The following DCAKD variants were observed in gnomAD, a reference collection of about 807,000 sequenced individuals.
DCAKD encodes dephospho-CoA kinase domain containing.
In DCAKD, 15 loss-of-function variants were observed where a neutral mutation model predicts 18.7. That is an observed-to-expected ratio of 0.80 (90% confidence interval 0.54 to 1.24). The LOEUF (loss-of-function observed/expected upper bound fraction) is 1.24. Ranked by LOEUF, DCAKD falls within the 50% of genes most tolerant of loss-of-function variation. DCAKD has a pLI of 0.00. For missense variants in DCAKD, 301 were observed against 322.0 expected (o/e 0.93, Z 0.50); for synonymous variants, 130 against 133.0 (o/e 0.98, Z 0.16).
intron 3 of DCAKD, 65 bp from the exon 4 acceptor site, chr17:45,030,244 G>T: frequency 6.8e-7 from 1 of 1,471,752 alleles, no homozygotes; most frequent in Non-Finnish European, 9.5e-7. Flanking sequence ...CTGATGATAT[G>T]CTGGGCCCCA....
At chr17:45,032,176 C>T in intron 3 of DCAKD, 1 of 963,786 alleles carries the variant, frequency 1.0e-6, no homozygotes, top group African/African-American at 1.8e-5. Flanking sequence ...TGACTTCACT[C>T]TGGGTGGGGG....
chr17:45,042,081 A>C (rs1347241551), intron 1 of DCAKD, among the ~76,000 whole-genome samples: 2 of 151,674 alleles, frequency 1.3e-5, no homozygotes, highest in Admixed American at 6.6e-5. Context: ...GTACCACTGC[A>C]CTCCAGCCTG....
At chr17:45,061,112 C>T (rs1225199063), upstream of DCAKD, 4 of 1,343,256 alleles carry the variant, frequency 3.0e-6, no homozygotes, top group Middle Eastern at 2.7e-4. Context: ...GGCCGAATGC[C>T]TAGGCTTCCG....
intron 4 of DCAKD, among the ~76,000 whole-genome samples, chr17:45,028,800 G>A (rs1209433959): frequency 6.6e-6 from 1 of 151,788 alleles, no homozygotes; most frequent in Non-Finnish European, 1.5e-5. Flanking sequence ...CACCTCCTGG[G>A]TTCAAGCGAT....
intron 1 of DCAKD, among the ~76,000 whole-genome samples, chr17:45,038,127 C>A (rs888717680): frequency 6.6e-6 from 1 of 151,276 alleles, no homozygotes; most frequent in East Asian, 2.0e-4. Context: ...CCCAGGGTGG[C>A]GTGCAGCGGT....
intron 4 of DCAKD, among the ~76,000 whole-genome samples, chr17:45,028,191 C>T (rs925086656): frequency 1.3e-5 from 2 of 150,314 alleles, no homozygotes; most frequent in African/African-American, 4.9e-5. Context: ...TCACTCCAAG[C>T]TCCGCCTCCC....
chr17:45,055,315 T>A (rs1383767553), upstream of DCAKD, among the ~76,000 whole-genome samples: 1 of 152,186 alleles, frequency 6.6e-6, no homozygotes. Context: ...CCTGAGTCCA[T>A]TAGAGATGAC....
chr17:45,027,877 T>A (rs1193909454), intron 4 of DCAKD, among the ~76,000 whole-genome samples: 1 of 150,202 alleles, frequency 6.7e-6, no homozygotes, highest in Non-Finnish European at 1.5e-5. Context: ...TCCCAGCTAA[T>A]CAGGAGGCTG....
At chr17:45,047,235 A>G (rs1250333732) in intron 1 of DCAKD, among the ~76,000 whole-genome samples, 2 of 151,930 alleles carry the variant, frequency 1.3e-5, no homozygotes, top group African/African-American at 4.8e-5. Context: ...TCACTCTAGT[A>G]AATATACAAA....
intron 3 of DCAKD, chr17:45,031,077 T>G (rs555798378): frequency 1.0e-6 from 1 of 985,316 alleles, no homozygotes; most frequent in South Asian, 4.7e-5. Context: ...GGAAAATGCT[T>G]CTCTGCCCAG....
intron 4 of DCAKD, among the ~76,000 whole-genome samples, chr17:45,029,128 G>C (rs1429197133): frequency 6.6e-6 from 1 of 152,242 alleles, no homozygotes; most frequent in Non-Finnish European, 1.5e-5. Context: ...CTCAAACAGG[G>C]AATGAAGAAC....
intron 4 of DCAKD, chr17:45,026,919 T>G: frequency 5.8e-6 from 4 of 694,116 alleles, no homozygotes; most frequent in Non-Finnish European, 7.1e-6. Flanking sequence ...GCCTCCTGGA[T>G]GTGGGGCAGC....
At chr17:45,047,177 A>T (rs2053588975) in intron 1 of DCAKD, among the ~76,000 whole-genome samples, 1 of 152,040 alleles carries the variant, frequency 6.6e-6, no homozygotes, top group African/African-American at 2.4e-5. Context: ...ATTTACATGA[A>T]GAAACTTTTT....
Position 45,035,013 on chromosome 17 carries a change from G to T in DCAKD, c.-114-14C>A. On this transcript the variant is annotated splice_polypyrimidine_tract_variant and intron_variant, in intron 1 of 4. Coordinates refer to ENST00000651974, the MANE Select transcript of DCAKD (RefSeq NM_001288655.2). ...TGCCAGAAGGACCTGCTTGGGAGAG[G>T]CCAGCGGGACTGATCAGTTTGGGCC... 1 of 925,324 alleles carries T rather than the reference G, an allele frequency of 1.1e-6. No individual in the cohort carries two copies. Among genetic ancestry groups the T allele is most frequent in the Non-Finnish European group, 1.7e-6 (1 of 592,204 alleles). 57.3% of individuals were successfully genotyped at this position (925,324 alleles called of 1,614,324 possible). A position where few individuals can be genotyped will look rare whatever the true frequency, so the allele number is the denominator to read the frequency against.
At chr17:45,060,994 C>G in exon 1 of DCAKD, 1 of 1,066,722 alleles carries the variant, frequency 9.4e-7, no homozygotes, top group Non-Finnish European at 1.1e-6. Flanking sequence ...ACCTCCACGC[C>G]TGAAACCCTA....
intron 3 of DCAKD, chr17:45,031,144 C>T (rs2053163977): frequency 1.0e-6 from 1 of 985,438 alleles, no homozygotes; most frequent in Non-Finnish European, 1.2e-6. Flanking sequence ...CCACTCCAAA[C>T]ACTTCCAAGC....
At chr17:45,039,122 A>G (rs2053371585) in intron 1 of DCAKD, among the ~76,000 whole-genome samples, 1 of 152,130 alleles carries the variant, frequency 6.6e-6, no homozygotes, top group South Asian at 2.1e-4. Context: ...CTGCGCACAG[A>G]TCTACTGGGA....
intron 4 of DCAKD, among the ~76,000 whole-genome samples, chr17:45,025,923 T>G (rs376052098): frequency 2.0e-5 from 3 of 149,154 alleles, no homozygotes; most frequent in East Asian, 3.9e-4. Context: ...AGCTAATTTT[T>G]GTATTTTTTT....
chr17:45,047,611 T>G (rs1011131515), intron 1 of DCAKD, among the ~76,000 whole-genome samples: 1 of 151,184 alleles, frequency 6.6e-6, no homozygotes, highest in Non-Finnish European at 1.5e-5. Flanking sequence ...TTCAAATGAT[T>G]CTCCTGCCTC....
Sources: gnomAD v4.1 joint callset for allele counts (sites outside exome capture counted in the v4.1 genomes callset) on GRCh38, gnomAD v4.1.1 for gene constraint, MANE v1.5 for transcripts, NCBI Gene and HGNC (gene_info 2026-07-23, HGNC 2026-07-21) for gene names.